Variants in CALCR observed in about 807,000 individuals in gnomAD.
The protein encoded by CALCR is calcitonin receptor.
CALCR carries 47 observed loss-of-function variants against 59.5 expected under a neutral mutation model. The observed-to-expected ratio is 0.79, with a 90% CI of 0.63 to 1.01. The LOEUF (loss-of-function observed/expected upper bound fraction) is 1.01, where lower values mean the gene tolerates loss of function less well. Among genes scored for constraint, CALCR ranks in the 50% least tolerant of loss-of-function variants. The pLI is 0.00. For missense variants in CALCR, 566 were observed against 597.1 expected, an observed-to-expected ratio of 0.95 and a Z score of 0.54; for synonymous variants, 213 against 211.3, an observed-to-expected ratio of 1.01 and a Z score of -0.07.
intron 2 of CALCR, among the ~76,000 whole-genome samples, chr7:93,529,295 C>T (rs1788765853): frequency 6.6e-6 from 1 of 151,980 alleles, no homozygotes; most frequent in African/African-American, 2.4e-5. Context: ...CCCACTCTCT[C>T]CTTGTTCCTG....
chr7:93,554,510 A>T (rs1240369384), intron 2 of CALCR, among the ~76,000 whole-genome samples: 1 of 151,964 alleles, frequency 6.6e-6, no homozygotes, highest in Non-Finnish European at 1.5e-5. Context: ...CCAACAAGGG[A>T]TTTATACTGA....
chr7:93,478,636 AATATATAT>A (rs10543619), intron 4 of CALCR, among the ~76,000 whole-genome samples: 78,185 of 147,446 alleles, frequency 0.53, 20,755 homozygotes, highest in East Asian at 0.69. Context: ...CCCTGTCTTA[AATATATAT>A]ATATATATAT....
At chr7:93,490,075 T>A (rs1383464457) in intron 2 of CALCR, among the ~76,000 whole-genome samples, 6 of 151,978 alleles carry the variant, frequency 3.9e-5, no homozygotes, top group Non-Finnish European at 5.9e-5. Flanking sequence ...TCAAGTCGGC[T>A]TCATCCTGAG....
intron 2 of CALCR, among the ~76,000 whole-genome samples, chr7:93,551,945 T>C (rs944586398): frequency 2.0e-5 from 3 of 152,154 alleles, no homozygotes; most frequent in Non-Finnish European, 2.9e-5. Flanking sequence ...GTGAAATGGA[T>C]AATCATAATA....
intron 11 of CALCR, among the ~76,000 whole-genome samples, chr7:93,437,256 AT>A (rs1799800149): frequency 6.6e-6 from 1 of 152,148 alleles, no homozygotes; most frequent in Non-Finnish European, 1.5e-5. Flanking sequence ...TATAGGAATA[AT>A]TGCTAAAGTT....
chr7:93,505,521 T>C (rs1801406973), intron 2 of CALCR, among the ~76,000 whole-genome samples: 1 of 152,094 alleles, frequency 6.6e-6, no homozygotes, highest in Non-Finnish European at 1.5e-5. Flanking sequence ...TACACAGCAA[T>C]GGGAATCAGG....
chr7:93,433,812 C>T (rs891326448), intron 13 of CALCR, among the ~76,000 whole-genome samples: 1 of 152,180 alleles, frequency 6.6e-6, no homozygotes, highest in African/African-American at 2.4e-5. Context: ...ATCTTCACTT[C>T]AGGGTGATTT....
chr7:93,462,117 TA>T, intron 7 of CALCR: 2 of 1,462,732 alleles, frequency 1.4e-6, no homozygotes, highest in Non-Finnish European at 1.8e-6. Flanking sequence ...TTTTCTGCAA[TA>T]AAAAGCAATT....
intron 8 of CALCR, among the ~76,000 whole-genome samples, chr7:93,449,076 A>G (rs963723315): frequency 6.6e-6 from 1 of 152,030 alleles, no homozygotes; most frequent in Non-Finnish European, 1.5e-5. Flanking sequence ...TACCAACTCC[A>G]CAATACTTTG....
intron 8 of CALCR, among the ~76,000 whole-genome samples, chr7:93,446,525 C>T (rs1256194052): frequency 6.6e-6 from 1 of 151,966 alleles, no homozygotes; most frequent in Admixed American, 6.6e-5. Flanking sequence ...ATTCAACAAA[C>T]ATTTATGGAA....
At chr7:93,503,574 A>C (rs1036895866) in intron 2 of CALCR, among the ~76,000 whole-genome samples, 1 of 152,098 alleles carries the variant, frequency 6.6e-6, no homozygotes, top group African/African-American at 2.4e-5. Context: ...TAATTTTTGC[A>C]ACATTGACGG....
chr7:93,511,175 AAAT>A (rs1187117737), intron 2 of CALCR, among the ~76,000 whole-genome samples: 7 of 152,128 alleles, frequency 4.6e-5, no homozygotes. Flanking sequence ...GTAATTAAGA[AAAT>A]AAATCATAAA....
At chr7:93,428,536 C>T (rs1220839845) in intron 13 of CALCR, among the ~76,000 whole-genome samples, 1 of 152,198 alleles carries the variant, frequency 6.6e-6, no homozygotes, top group Admixed American at 6.5e-5. Context: ...CGTGGTGGCT[C>T]ATGCCTGTAA....
At chr7:93,498,282 C>T (rs1232877945) in intron 2 of CALCR, among the ~76,000 whole-genome samples, 1 of 151,604 alleles carries the variant, frequency 6.6e-6, no homozygotes, top group Non-Finnish European at 1.5e-5. Flanking sequence ...GCTCAATAAG[C>T]ATTCAATGAA....
chr7:93,442,669 A>G lies in CALCR; in HGVS notation c.802+935T>C, dbSNP rs573067524. Among the ~76,000 whole-genome samples, 3 of 152,240 alleles carry G rather than the reference A, an allele frequency of 2.0e-5. No individual in the cohort carries two copies. The East Asian group carries it at 5.8e-4, about 29-fold the overall frequency. On this transcript the variant is annotated intron_variant, in intron 9 of 13. Coordinates refer to ENST00000426151, the MANE Select transcript of CALCR (RefSeq NM_001742.4). ...TTGTAGGGGCTCCCCAGCCTGCTGC[A>G]TTAAAGGGCAAGCTTAGTTGAAGGC...
At chr7:93,505,754 T>G (rs10156093) in intron 2 of CALCR, among the ~76,000 whole-genome samples, 7,740 of 152,198 alleles carry the variant, frequency 0.051, 693 homozygotes, top group African/African-American at 0.18. Flanking sequence ...CGCACACACT[T>G]CTTTTTACCA....
chr7:93,545,295 G>A (rs1486333753), intron 2 of CALCR, among the ~76,000 whole-genome samples: 5 of 152,034 alleles, frequency 3.3e-5, no homozygotes, highest in Non-Finnish European at 5.9e-5. Flanking sequence ...TCCTCTGGCT[G>A]TAGAGTGCTG....
intron 7 of CALCR, among the ~76,000 whole-genome samples, chr7:93,466,542 G>A (rs1230686360): frequency 6.6e-6 from 1 of 151,808 alleles, no homozygotes; most frequent in Non-Finnish European, 1.5e-5. Flanking sequence ...TGGCATCTCA[G>A]CATATGTGCT....
chr7:93,428,735 C>T (rs1286195425), intron 13 of CALCR, among the ~76,000 whole-genome samples: 2 of 146,744 alleles, frequency 1.4e-5, no homozygotes, highest in Non-Finnish European at 1.5e-5. Flanking sequence ...TGCAGTGAGC[C>T]GAGATCATGC....
Sources: gnomAD v4.1 joint callset for allele counts (sites outside exome capture counted in the v4.1 genomes callset) on GRCh38, gnomAD v4.1.1 for gene constraint, MANE v1.5 for transcripts, NCBI Gene and HGNC (gene_info 2026-07-23, HGNC 2026-07-21) for gene names.